TTC6: variants seen among roughly 807,000 people sequenced by gnomAD.
TTC6 encodes tetratricopeptide repeat protein 6.
TTC6 carries 172 observed loss-of-function variants against 210.4 expected under a neutral mutation model. That is an observed-to-expected ratio of 0.82 (90% CI 0.72 to 0.93). TTC6 has a LOEUF of 0.93. TTC6 is among the 40% of genes least tolerant of loss of function. The pLI, the probability that TTC6 is intolerant of heterozygous loss-of-function variation, is 0.00. For synonymous variants in TTC6, 804 were observed against 819.6 expected (o/e 0.98, Z 0.32); for missense variants, 2,414 against 2,318.1 (o/e 1.04, Z -0.85).
chr14:37,711,898 G>A (rs1050014082), intron 5 of TTC6, among the ~76,000 whole-genome samples: 3 of 152,158 alleles, frequency 2.0e-5, no homozygotes, highest in Non-Finnish European at 4.4e-5. Flanking sequence ...ACTGTTGGGA[G>A]TGAGGAAGAG....
chr14:37,700,614 G>A (rs1345003444), intron 4 of TTC6, among the ~76,000 whole-genome samples: 4 of 151,634 alleles, frequency 2.6e-5, no homozygotes, highest in Non-Finnish European at 5.9e-5. Flanking sequence ...GTGGTGGTAC[G>A]GGCCTGTAGT....
exon 14 of TTC6, chr14:37,753,162 A>G (rs1216578881): frequency 6.5e-7 from 1 of 1,535,492 alleles, no homozygotes; most frequent in African/African-American, 1.4e-5. Context: ...TTATTGTGAA[A>G]ATGAAAACTG....
intron 5 of TTC6, among the ~76,000 whole-genome samples, chr14:37,705,467 T>G (rs998585045): frequency 3.9e-5 from 6 of 152,170 alleles, no homozygotes; most frequent in Non-Finnish European, 7.4e-5. Context: ...AATATGGGAT[T>G]CCAGACTTTT....
At chr14:37,602,640 C>G (rs1285732066) in intron 1 of TTC6, among the ~76,000 whole-genome samples, 1 of 152,130 alleles carries the variant, frequency 6.6e-6, no homozygotes, top group African/African-American at 2.4e-5. Flanking sequence ...CCCACTGAAC[C>G]CACGGTTCAG....
chr14:37,697,628 A>C (rs2138659175), intron 4 of TTC6, among the ~76,000 whole-genome samples: 1 of 152,308 alleles, frequency 6.6e-6, no homozygotes, highest in Non-Finnish European at 1.5e-5. Flanking sequence ...ACAATTTAGT[A>C]GCTGAGAATA....
chr14:37,604,152 C>G (rs2095620852), intron 1 of TTC6, among the ~76,000 whole-genome samples: 1 of 152,130 alleles, frequency 6.6e-6, no homozygotes. Flanking sequence ...AGCTACAGTC[C>G]AGGAGGAGAA....
At position 37,673,498 on chromosome 14, in the gene TTC6, A is replaced by G. The variant is rs539474823; in HGVS notation, c.940-6653A>G. Reference sequence around the variant, plus strand: ...TCTTTTGGCCTATGCTATTTGGGCCAGTGTCATTTGGGGAGAACCTGGATT... The same window carrying G: ...TCTTTTGGCCTATGCTATTTGGGCCGGTGTCATTTGGGGAGAACCTGGATT... On this transcript the variant is annotated intron_variant, in intron 1 of 30. Transcript: ENST00000553443. Among the ~76,000 whole-genome samples the G allele has an allele frequency of 2.0e-5, 3 of 152,224 alleles. No individual in the cohort carries two copies. In the East Asian group the frequency reaches 5.8e-4, roughly 29 times the overall value.
chr14:37,598,267 G>T lies in TTC6; in HGVS notation c.-235+2259G>T, dbSNP rs1334525862. On this transcript the variant is annotated intron_variant, in intron 1 of 2. Coordinates refer to the TTC6 transcript ENST00000556845. The surrounding 1 kb of genome is among the most constrained non-coding windows in gnomAD (Gnocchi z 4.9). Reference sequence around the variant, plus strand: ...CGGGGCAGGGTACCCGCGAGGGCAGGCACGTGGCGGCTCCTGCGGTGTCCC... The same window carrying T: ...CGGGGCAGGGTACCCGCGAGGGCAGTCACGTGGCGGCTCCTGCGGTGTCCC... Among the ~76,000 whole-genome samples, 1 of 152,208 alleles carries T rather than the reference G, an allele frequency of 6.6e-6. No homozygotes were observed. Among genetic ancestry groups the T allele is most frequent in the Non-Finnish European group, 1.5e-5 (1 of 68,050 alleles).
chr14:37,744,638 A>G (rs982710262), intron 10 of TTC6, among the ~76,000 whole-genome samples: 2 of 152,188 alleles, frequency 1.3e-5, no homozygotes, highest in African/African-American at 4.8e-5. Flanking sequence ...TGCAGGCCAG[A>G]GTAAATTTGA....
chr14:37,782,300 C>T (rs2096057061), intron 14 of TTC6, among the ~76,000 whole-genome samples: 1 of 152,142 alleles, frequency 6.6e-6, no homozygotes, highest in African/African-American at 2.4e-5. Flanking sequence ...TCTTTTATTT[C>T]ATTGAACAGT....
chr14:37,692,599 C>T (rs1284197348), intron 3 of TTC6, among the ~76,000 whole-genome samples: 2 of 151,998 alleles, frequency 1.3e-5, no homozygotes, highest in East Asian at 1.9e-4. Flanking sequence ...TGGCTCACAC[C>T]TGTAATCTCA....
In TTC6 at chr14:37,745,603, T is replaced by C. The variant is rs951895052; in HGVS notation, c.2364-3336T>C. ...GGGAAATTATCAAAAAATGGGTCCA[T>C]GTCTTACTAGGTCCACTGTTAAATG... On this transcript the variant is annotated intron_variant, in intron 10 of 30. Coordinates refer to ENST00000553443, the Ensembl canonical transcript of TTC6. 2.6e-5 allele frequency among the ~76,000 whole-genome samples: 4 copies of C among 152,206 alleles called. 1 individual carries two copies. The highest frequency in any genetic ancestry group is 9.6e-5 in the African/African-American group (4 of 41,470).
At chr14:37,762,024 C>T (rs535759080) in intron 14 of TTC6, among the ~76,000 whole-genome samples, 4 of 152,286 alleles carry the variant, frequency 2.6e-5, no homozygotes, top group African/African-American at 9.6e-5. Context: ...GTTCTACTCG[C>T]TGCCTCTATA....
intron 27 of TTC6, among the ~76,000 whole-genome samples, chr14:37,825,186 C>A (rs936711296): frequency 7.2e-5 from 11 of 152,148 alleles, no homozygotes; most frequent in Non-Finnish European, 1.6e-4. Flanking sequence ...ATGAGCACAA[C>A]AGATGTGGTC....
At chr14:37,656,377 A>G (rs944497070) in intron 1 of TTC6, among the ~76,000 whole-genome samples, 2 of 152,204 alleles carry the variant, frequency 1.3e-5, no homozygotes, top group Admixed American at 6.5e-5. Flanking sequence ...AACAGCTACT[A>G]TGTACCAGAT....
chr14:37,625,869 A>G (rs1211454780), intron 1 of TTC6, among the ~76,000 whole-genome samples: 3 of 152,184 alleles, frequency 2.0e-5, no homozygotes, highest in Non-Finnish European at 4.4e-5. Flanking sequence ...TGGAGTTGCA[A>G]AGAATACGGA....
At chr14:37,770,933 G>A (rs1213820993) in intron 14 of TTC6, among the ~76,000 whole-genome samples, 8 of 140,598 alleles carry the variant, frequency 5.7e-5, no homozygotes, top group East Asian at 2.1e-4. Flanking sequence ...ATTTTGCAGC[G>A]GCTGGTACCG....
At chr14:37,827,140 A>G in intron 28 of TTC6, 56 bp from the exon 31 acceptor site, 1 of 1,392,462 alleles carries the variant, frequency 7.2e-7, no homozygotes, top group Non-Finnish European at 9.7e-7. Flanking sequence ...GGCAGACATG[A>G]CATCAGAGGT....
intron 1 of TTC6, among the ~76,000 whole-genome samples, chr14:37,603,089 T>C (rs1210950347): frequency 6.6e-6 from 1 of 152,032 alleles, no homozygotes. Flanking sequence ...TAAACCACTG[T>C]CCCAAGAGAT....
Sources: gnomAD v4.1 joint callset for allele counts (sites outside exome capture counted in the v4.1 genomes callset) on GRCh38, gnomAD v4.1.1 for gene constraint, Gnocchi (gnomAD v3.1) non-coding constraint, MANE v1.5 for transcripts, NCBI Gene and HGNC (gene_info 2026-07-23, HGNC 2026-07-21) for gene names.